DSP: variants seen among roughly 807,000 people sequenced by gnomAD.
The protein encoded by DSP is 250/210 kDa paraneoplastic pemphigus antigen.
A neutral mutation model predicts 290.6 loss-of-function variants in DSP; 114 were observed. The ratio of observed to expected loss-of-function variants is 0.39; its 90% CI spans 0.34 to 0.46. The LOEUF (loss-of-function observed/expected upper bound fraction) is 0.46. Among genes scored for constraint, DSP ranks in the 20% least tolerant of loss-of-function variants. The pLI, the probability that DSP is intolerant of heterozygous loss-of-function variation, is 0.99. For synonymous variants in DSP, 1,311 were observed against 1,316.4 expected, an observed-to-expected ratio of 1.00 and a Z score of 0.09; for missense variants, 3,230 against 3,495.8, an observed-to-expected ratio of 0.92 and a Z score of 1.92.
At chr6:7,577,644 C>A in intron 20 of DSP, 135 bp from the exon 21 acceptor site, 22 of 782,384 alleles carry the variant, frequency 2.8e-5, no homozygotes, top group South Asian at 7.0e-5. Flanking sequence ...AGTTGCTTGG[C>A]CACTAGTGGC....
At chr6:7,542,247 C>G (rs985986038) in intron 1 of DSP, among the ~76,000 whole-genome samples, 162 bp downstream of exon 1, 4 of 151,248 alleles carry the variant, frequency 2.6e-5, no homozygotes, top group African/African-American at 9.7e-5. Context: ...GACCGGGTGT[C>G]CTGACGCGTG....
chr6:7,576,497 A>G (rs1257957371), intron 19 of DSP, 41 bp downstream of exon 19: 2 of 1,610,972 alleles, frequency 1.2e-6, no homozygotes, highest in Admixed American at 1.7e-5. Context: ...TTTGAGATTA[A>G]TTGGGTGTAA....
At position 7,580,041 on chromosome 6, in the gene DSP, T is replaced by C; in HGVS notation, c.3851T>C (p.Ile1284Thr). 1 of 1,614,028 alleles carries C rather than the reference T, an allele frequency of 6.2e-7. No individual in the cohort carries two copies. The highest frequency in any genetic ancestry group is 1.7e-5 in the Admixed American group (1 of 60,014). ...CAGCAAAAGGCCTGTGGCTCTGAGA[T>C]AATGCAGAAGAAGCAGCATCTGGAG... Reference protein sequence around the residue: ...ALQQKACGSEIMQKKQHLEIE... With the variant: ...ALQQKACGSETMQKKQHLEIE... The change falls in exon 23 of 24, where the codon ATA becomes ACA. Residue 1284 changes from isoleucine (I) to threonine (T), a missense_variant. By Grantham distance (89) the Ile-to-Thr change is moderately conservative. Transcript: ENST00000379802. This position sits in a 1 kb window ranked among gnomAD's most constrained non-coding sequence, Gnocchi z 4.2.
At chr6:7,578,868 G>A (rs1759328294) in intron 22 of DSP, among the ~76,000 whole-genome samples, 1 of 152,096 alleles carries the variant, frequency 6.6e-6, no homozygotes, top group African/African-American at 2.4e-5. Flanking sequence ...CTTGGACTAG[G>A]TATATTTGAA....
intron 1 of DSP, among the ~76,000 whole-genome samples, chr6:7,550,152 G>A (rs1052840899): frequency 2.0e-5 from 3 of 151,636 alleles, no homozygotes; most frequent in African/African-American, 7.3e-5. Context: ...TCTCATCTCA[G>A]CCTCCCATCT....
In DSP at chr6:7,547,288, C is replaced by T. The variant is rs904186734; in HGVS notation, c.170+5203C>T. Among the ~76,000 whole-genome samples the T allele has an allele frequency of 4.6e-5, 7 of 151,822 alleles. No individual in the cohort carries two copies. The East Asian group carries it at 1.3e-3, about 29-fold the overall frequency. On this transcript the variant is annotated intron_variant, in intron 1 of 23. Coordinates refer to ENST00000379802, the MANE Select transcript of DSP (RefSeq NM_004415.4). ...CATCTTGTAAAATACTAGTGCAGTC[C>T]AATAATTTATGGCTCACCACCGACA...
chr6:7,581,667 T>C (rs1759445078), intron 23 of DSP, 98 bp downstream of exon 23: 1 of 1,517,016 alleles, frequency 6.6e-7, no homozygotes, highest in Admixed American at 2.0e-5. Flanking sequence ...AAATAGATGC[T>C]TATAGAAAAT....
rs1759679708 is a variant in DSP, at chr6:7,586,440, A to T, written c.*562A>T. 6.5e-6 allele frequency: 1 copy of T among 152,746 alleles called. No individual in the cohort carries two copies. Among genetic ancestry groups the T allele is most frequent in the Admixed American group, 6.5e-5 (1 of 15,346 alleles). The allele number at this position is 152,746 out of a possible 1,614,324, so 9.5% of individuals were successfully genotyped here. The stretch of plus-strand genomic sequence containing the variant: ...CGATGTACTTGTTTGGTTTGGTATT[A>T]ATTTGACTGTGCATGACAGCGGCAA... On this transcript the variant is annotated 3_prime_UTR_variant, in exon 24 of 24. Transcript: ENST00000379802.
At chr6:7,554,499 A>G (rs1758445069) in intron 1 of DSP, among the ~76,000 whole-genome samples, 1 of 152,220 alleles carries the variant, frequency 6.6e-6, no homozygotes, top group Non-Finnish European at 1.5e-5. Flanking sequence ...GCTTCATTGT[A>G]GAGAAAAATA....
Position 7,562,638 on chromosome 6 carries a change from T to C in DSP, c.598-14T>C. 6.2e-7 allele frequency: 1 copy of C among 1,614,080 alleles called. No individual in the cohort carries two copies. The highest frequency in any genetic ancestry group is 1.1e-5 in the South Asian group (1 of 91,080). ...CAACAACAAAGGGCGCCTCTCTTTG[T>C]CTTTGTGTCGCAGGCGGAGATGGAC... On this transcript the variant is annotated splice_polypyrimidine_tract_variant and intron_variant, in intron 4 of 23. Coordinates refer to ENST00000379802, the MANE Select transcript of DSP (RefSeq NM_004415.4).
At position 7,570,526 on chromosome 6, in the gene DSP, T is replaced by C. The variant is rs1459328209; in HGVS notation, c.1664T>C (p.Ile555Thr). Residue 555 changes from isoleucine (I) to threonine (T), a missense_variant, in exon 13 of 24, where the codon ATT (isoleucine) becomes ACT (threonine). This residue lies in a region of DSP where 81 missense variants were observed against 130.5 expected (regional missense o/e 0.62). Transcript: ENST00000379802. Reference sequence around the variant, plus strand: ...CTGGTGTCCTGGCACTACTGCATGATTGACATAGAGAAGATCAGGGCCATG... The same window carrying C: ...CTGGTGTCCTGGCACTACTGCATGACTGACATAGAGAAGATCAGGGCCATG... ...KSLVSWHYCMIDIEKIRAMTI... is the reference protein window; with the variant it reads ...KSLVSWHYCMTDIEKIRAMTI... 2 of 1,613,814 alleles carry C rather than the reference T, an allele frequency of 1.2e-6. No homozygotes were observed. Among genetic ancestry groups the C allele is most frequent in the Non-Finnish European group, 1.7e-6 (2 of 1,180,040 alleles).
intron 10 of DSP, 121 bp from the exon 11 acceptor site, chr6:7,568,316 A>G: frequency 8.8e-7 from 1 of 1,142,750 alleles, no homozygotes; most frequent in Non-Finnish European, 1.3e-6. Context: ...GTGATTTTTT[A>G]CAATTGATGC....
Position 7,565,518 on chromosome 6 carries a change from TC to T in DSP, c.939del (p.Ile314TyrfsTer3). 6.2e-7 allele frequency: 1 copy of T among 1,613,772 alleles called. No homozygotes were observed. ...CATCGCTCAGAAACAGGAGGCCTTC[TC>T]CGTAAGTTCACCCCACGCGGCTGTA... Reference protein sequence around the residue: ...TNIAQKQEAFSIRMSQLEVKE... With the variant: ...TNIAQKQEAFXIRMSQLEVKE... On this transcript the variant is annotated frameshift_variant and splice_region_variant, in exon 7 of 24. Transcript: ENST00000379802. LOFTEE classifies it high-confidence loss of function. The surrounding 1 kb of genome is among the most constrained non-coding windows in gnomAD (Gnocchi z 4.2).
rs1385558717 is a variant in DSP, at chr6:7,580,810, C to T, written c.4620C>T (p.Ile1540=). Residue 1540 remains isoleucine, a synonymous_variant, in exon 23 of 24, where the codon ATC becomes ATT. Transcript: ENST00000379802. This position sits in a 1 kb window ranked among gnomAD's most constrained non-coding sequence, Gnocchi z 4.2. ...VQEQELTRLR[I]DYERVSQERT... is the part of the protein sequence containing the mutation. The stretch of plus-strand genomic sequence containing the variant: ...AGCAAGAACTGACACGCCTGAGGAT[C>T]GACTATGAAAGGGTTTCCCAGGAGA... 29 of 1,613,958 alleles carry T rather than the reference C, an allele frequency of 1.8e-5. No individual in the cohort carries two copies. The highest frequency in any genetic ancestry group is 2.4e-5 in the Non-Finnish European group (28 of 1,180,038).
In DSP at chr6:7,578,553, A is replaced by C. The variant is rs1233773861; in HGVS notation, c.3075A>C (p.Glu1025Asp). 1.9e-6 allele frequency: 3 copies of C among 1,613,130 alleles called. No individual in the cohort carries two copies. The highest frequency in any genetic ancestry group is 2.5e-6 in the Non-Finnish European group (3 of 1,179,212). Residue 1025 changes from glutamate (E) to aspartate (D), a missense_variant, in exon 22 of 24, where the codon GAA becomes GAC. Physicochemically the swap from Glu to Asp is conservative, Grantham distance 45. Transcript: ENST00000379802. ...TAAGTGAGATGCTGAAGAGTTTGGA[A>C]GATCTGAAGGTAATTTATACTGTCT... is the stretch of plus-strand genomic sequence containing the variant. ...RFLSEMLKSL[E>D]DLKLKNTKIE...
At position 7,583,275 on chromosome 6, in the gene DSP, G is replaced by T. The variant is rs1561701806; in HGVS notation, c.6013G>T (p.Ala2005Ser). The T allele has an allele frequency of 6.2e-7, 1 of 1,614,202 alleles. No individual in the cohort carries two copies. Among genetic ancestry groups the T allele is most frequent in the African/African-American group, 1.3e-5 (1 of 75,032 alleles). The change falls in exon 24 of 24, where the codon GCT (alanine) becomes TCT (serine). Residue 2005 changes from alanine to serine, a missense_variant. This residue lies in a region of DSP where 1,714 missense variants were observed against 1,844.5 expected (regional missense o/e 0.93). Transcript: ENST00000379802. The surrounding 1 kb of genome is among the most constrained non-coding windows in gnomAD (Gnocchi z 4.0). ...LKGKKSVEEV[A>S]SEIQPFLRGA... Reference sequence around the variant, plus strand: ...GGGGAAGAAGTCAGTGGAAGAAGTTGCTTCTGAAATCCAGCCATTCCTTCG... The same window carrying T: ...GGGGAAGAAGTCAGTGGAAGAAGTTTCTTCTGAAATCCAGCCATTCCTTCG...
chr6:7,572,831 G>T (rs893635622), intron 15 of DSP, among the ~76,000 whole-genome samples: 2 of 152,192 alleles, frequency 1.3e-5, no homozygotes, highest in African/African-American at 4.8e-5. Flanking sequence ...AACCTAGATG[G>T]TATAGCCTAC....
chr6:7,583,241 A>G lies in DSP; in HGVS notation c.5979A>G (p.Lys1993=). The G allele has an allele frequency of 6.2e-7, 1 of 1,614,174 alleles. No homozygotes were observed. The highest frequency in any genetic ancestry group is 8.5e-7 in the Non-Finnish European group (1 of 1,180,028). Residue 1993 remains lysine (K), a synonymous_variant, in exon 24 of 24, where the codon AAA becomes AAG. Transcript: ENST00000379802. The surrounding 1 kb of genome is among the most constrained non-coding windows in gnomAD (Gnocchi z 4.0). ...TGATCGACAAAACAACCTTGGACAA[A>G]CTATTGAAGGGGAAGAAGTCAGTGG... ...CQLIDKTTLD[K]LLKGKKSVEE...
At chr6:7,553,982 CG>C (rs1389886546) in intron 1 of DSP, among the ~76,000 whole-genome samples, 3 of 152,194 alleles carry the variant, frequency 2.0e-5, no homozygotes, top group Middle Eastern at 3.2e-3. Flanking sequence ...CCAGGTGCTT[CG>C]GGAGAATTCC....
Sources: allele counts gnomAD v4.1 joint callset (sites outside exome capture counted in the v4.1 genomes callset), GRCh38; gene constraint gnomAD v4.1.1; regional missense constraint gnomAD v4.1.1; non-coding constraint Gnocchi (gnomAD v3.1); transcripts MANE v1.5; gene names NCBI Gene and HGNC (gene_info 2026-07-23, HGNC 2026-07-21).